Variants in PCDHGB1 observed in about 807,000 individuals in gnomAD.
The protein encoded by PCDHGB1 is protocadherin gamma-B1.
In PCDHGB1, 34 loss-of-function variants were observed where a neutral mutation model predicts 56.6. The observed-to-expected ratio is 0.60, with a 90% CI of 0.46 to 0.80. The LOEUF (loss-of-function observed/expected upper bound fraction) is 0.80. Among genes scored for constraint, PCDHGB1 ranks in the 30% least tolerant of loss-of-function variants. The pLI is 0.00. For synonymous variants in PCDHGB1, 561 were observed against 505.9 expected, an observed-to-expected ratio of 1.11 and a Z score of -1.46; for missense variants, 1,278 against 1,204.6, an observed-to-expected ratio of 1.06 and a Z score of -0.90.
At chr5:141,427,092 G>T in intron 1 of PCDHGB1, 1 of 458,134 alleles carries the variant, frequency 2.2e-6, no homozygotes, top group Non-Finnish European at 4.4e-6. Flanking sequence ...CCAGGATGAG[G>T]GTGTCAATGC....
intron 1 of PCDHGB1, chr5:141,430,796 C>T (rs1347347402): frequency 6.6e-6 from 10 of 1,522,232 alleles, no homozygotes; most frequent in Non-Finnish European, 8.8e-6. Flanking sequence ...CTACAAAGGG[C>T]TTGTCCTGCT....
At chr5:141,460,134 T>TCAAAGA in intron 1 of PCDHGB1, among the ~76,000 whole-genome samples, 1 of 152,066 alleles carries the variant, frequency 6.6e-6, no homozygotes, top group South Asian at 2.1e-4. Flanking sequence ...AATATATATA[T>TCAAAGA]TCTTGATGTG....
At chr5:141,393,251 G>C in intron 1 of PCDHGB1, 1 of 1,613,814 alleles carries the variant, frequency 6.2e-7, no homozygotes, top group South Asian at 1.1e-5. Flanking sequence ...ACGAAATCGC[G>C]GTTCCTGGAG....
chr5:141,468,049 G>C (rs2099156671), intron 1 of PCDHGB1, among the ~76,000 whole-genome samples: 1 of 152,068 alleles, frequency 6.6e-6, no homozygotes, highest in African/African-American at 2.4e-5. Context: ...ACTAAGCCGG[G>C]CACAGTGGCT....
chr5:141,374,187 T>C (rs1770247069), intron 1 of PCDHGB1: 2 of 1,613,640 alleles, frequency 1.2e-6, no homozygotes, highest in Non-Finnish European at 1.7e-6. Context: ...CGCTACTCTA[T>C]TCCCGAGGAG....
At chr5:141,408,329 A>C (rs2095085203) in intron 1 of PCDHGB1, 1 of 1,613,580 alleles carries the variant, frequency 6.2e-7, no homozygotes, top group Non-Finnish European at 8.5e-7. Context: ...GGAGCTGGCC[A>C]AGGGCTCGGT....
At chr5:141,453,430 C>A (rs1043851647) in intron 1 of PCDHGB1, among the ~76,000 whole-genome samples, 1 of 152,018 alleles carries the variant, frequency 6.6e-6, no homozygotes, top group Non-Finnish European at 1.5e-5. Flanking sequence ...CCACACCTAG[C>A]CTAGTATTCT....
intron 2 of PCDHGB1, among the ~76,000 whole-genome samples, chr5:141,496,353 C>T (rs761547879): frequency 4.6e-5 from 7 of 152,210 alleles, no homozygotes; most frequent in Non-Finnish European, 8.8e-5. Context: ...AGTCTCAGAG[C>T]CCAGGGAGAG....
At chr5:141,410,665 G>C (rs372651223) in intron 1 of PCDHGB1, 9 of 1,569,394 alleles carry the variant, frequency 5.7e-6, no homozygotes, top group Non-Finnish European at 7.7e-6. Flanking sequence ...TAGTCTACTA[G>C]TTTCTCATAT....
intron 1 of PCDHGB1, chr5:141,423,106 G>A (rs562864937): frequency 1.2e-6 from 2 of 1,613,894 alleles, no homozygotes; most frequent in Admixed American, 1.7e-5. Context: ...CACGGGCGAG[G>A]TGCGTACAGC....
rs1561856520 is a variant in PCDHGB1 at position 141,431,983 on chromosome 5, A to C, written c.2410-62824A>C. 3.1e-6 allele frequency: 5 copies of C among 1,614,242 alleles called. No homozygotes were observed. Among genetic ancestry groups the C allele is most frequent in the Non-Finnish European group, 4.2e-6 (5 of 1,180,036 alleles). ...ATTACTATAGTTTAGTCACAGACAT[A>C]GTCTTGGATAGGGAACAGGTTCCTA... On this transcript the variant is annotated intron_variant, in intron 1 of 3. Coordinates refer to ENST00000523390, the MANE Select transcript of PCDHGB1 (RefSeq NM_018922.3). The surrounding 1 kb of genome is among the most constrained non-coding windows in gnomAD (Gnocchi z 4.8).
chr5:141,490,130 C>A lies in PCDHGB1; in HGVS notation c.2410-4677C>A, dbSNP rs535362535. On this transcript the variant is annotated intron_variant, in intron 1 of 3. Coordinates refer to ENST00000523390, the MANE Select transcript of PCDHGB1 (RefSeq NM_018922.3). The surrounding 1 kb of genome is among the most constrained non-coding windows in gnomAD (Gnocchi z 5.4). ...GTGCGGAACCTCTTTGGCCTAGACC[C>A]TAGCAGTGGGGCAATCCATGTGTTG... 11 of 1,614,242 alleles carry A rather than the reference C, an allele frequency of 6.8e-6. No individual in the cohort carries two copies. In the African/African-American group the frequency reaches 1.3e-4, roughly 20 times the overall value.
intron 1 of PCDHGB1, chr5:141,413,729 GAGTTC>G: frequency 6.2e-7 from 1 of 1,613,496 alleles, no homozygotes; most frequent in Non-Finnish European, 8.5e-7. Flanking sequence ...TTCTCCCTAA[GAGTTC>G]AGAGCCGTGC....
intron 1 of PCDHGB1, chr5:141,441,118 G>C (rs1265461098): frequency 6.6e-6 from 1 of 152,212 alleles, no homozygotes; most frequent in Non-Finnish European, 1.5e-5. Flanking sequence ...CCAGTGTACA[G>C]TTGAGACCGA....
At chr5:141,502,134 C>T (rs566073996) in intron 2 of PCDHGB1, among the ~76,000 whole-genome samples, 10 of 152,288 alleles carry the variant, frequency 6.6e-5, no homozygotes, top group African/African-American at 2.2e-4. Flanking sequence ...AGAGCTCAGT[C>T]GGGCCGGAAG....
chr5:141,418,699 C>A, intron 1 of PCDHGB1: 1 of 1,614,014 alleles, frequency 6.2e-7, no homozygotes, highest in Non-Finnish European at 8.5e-7. Context: ...TCACTTATTC[C>A]TTCTTTGGTG....
chr5:141,484,219 C>T (rs766309865), intron 1 of PCDHGB1, among the ~76,000 whole-genome samples: 1 of 152,162 alleles, frequency 6.6e-6, no homozygotes, highest in Non-Finnish European at 1.5e-5. Context: ...TAGCATTCTG[C>T]CAGGTAAAGA....
Position 141,361,043 on chromosome 5 carries a change from C to G in PCDHGB1, c.2409+8374C>G. On this transcript the variant is annotated intron_variant, in intron 1 of 3. Coordinates refer to ENST00000523390, the MANE Select transcript of PCDHGB1 (RefSeq NM_018922.3). The stretch of plus-strand genomic sequence containing the variant: ...AATGAAAAAACAGGAGAAATCACGA[C>G]AAAGGATGATTTGGATTTTGAGATT... 2.5e-6 allele frequency: 4 copies of G among 1,613,524 alleles called. No homozygotes were observed. In the South Asian group the frequency reaches 3.3e-5, roughly 13 times the overall value.
Position 141,489,090 on chromosome 5 carries a change from C to CAAA in PCDHGB1, c.2410-5717_2410-5716insAAA. ...CCTGCCCACCCCCGCCACTCGGTGA[C>CAAA]TAAGAACTGCTGCAAGCAGGCAAAC... is the stretch of plus-strand genomic sequence containing the variant. On this transcript the variant is annotated intron_variant, in intron 1 of 3. Transcript: ENST00000523390. The surrounding 1 kb of genome is among the most constrained non-coding windows in gnomAD (Gnocchi z 4.5). 7 of 328,768 alleles carry CAAA rather than the reference C, an allele frequency of 2.1e-5. No homozygotes were observed. The highest frequency in any genetic ancestry group is 6.1e-5 in the Admixed American group (1 of 16,494). The allele number at this position is 328,768 out of a possible 1,614,324, so 20.4% of individuals were successfully genotyped here. A position where few individuals can be genotyped will look rare whatever the true frequency, so the allele number is the denominator to read the frequency against.
Sources: gnomAD v4.1 joint callset for allele counts (sites outside exome capture counted in the v4.1 genomes callset) on GRCh38, gnomAD v4.1.1 for gene constraint, Gnocchi (gnomAD v3.1) non-coding constraint, MANE v1.5 for transcripts, NCBI Gene and HGNC (gene_info 2026-07-23, HGNC 2026-07-21) for gene names.